The following SIDT1 variants were observed in gnomAD, a reference collection of about 807,000 sequenced individuals.
The protein encoded by SIDT1 is SID1 transmembrane family, member 1.
Under a neutral mutation model 107.5 loss-of-function variants are expected in SIDT1, and 101 were observed. That is an observed-to-expected ratio of 0.94 (90% confidence interval 0.80 to 1.11). The LOEUF (loss-of-function observed/expected upper bound fraction) is 1.11, where lower values mean the gene tolerates loss of function less well. Among genes scored for constraint, SIDT1 ranks in the 50% least tolerant of loss-of-function variants. SIDT1 has a pLI of 0.00. For synonymous variants in SIDT1, 395 were observed against 398.2 expected, an observed-to-expected ratio of 0.99 and a Z score of 0.10; for missense variants, 1,076 against 1,058.2, an observed-to-expected ratio of 1.02 and a Z score of -0.23.
Position 113,608,463 on chromosome 3 carries a change from C to A in SIDT1, c.1647C>A (p.Gly549=), listed in dbSNP as rs901773365. 3.7e-6 allele frequency: 6 copies of A among 1,614,032 alleles called. No individual in the cohort carries two copies. The highest frequency in any genetic ancestry group is 3.3e-4 in the Middle Eastern group (2 of 6,062). ...PKHFGLFYAM[G]IALMMEGVLS... is the part of the protein sequence containing the mutation. ...ACTTTGGTCTCTTCTACGCTATGGG[C>A]ATTGCATTGATGATGGAAGGGGTGC... Residue 549 remains glycine (G), a synonymous_variant, in exon 17 of 25, where the codon GGC becomes GGA. Coordinates refer to ENST00000264852, the MANE Select transcript of SIDT1 (RefSeq NM_017699.3).
At chr3:113,620,296 C>A (rs1038309569) in intron 21 of SIDT1, among the ~76,000 whole-genome samples, 4 of 151,558 alleles carry the variant, frequency 2.6e-5, no homozygotes, top group Non-Finnish European at 5.9e-5. Context: ...CCTCTTTCCC[C>A]ATGGCCTTTG....
chr3:113,635,712 A>G, the SIDT1 span, among the ~76,000 whole-genome samples: 1 of 151,806 alleles, frequency 6.6e-6, no homozygotes, highest in African/African-American at 2.4e-5. Context: ...TAAAAATACA[A>G]AAAAATTAGC....
At chr3:113,630,049 G>A (rs906058307), downstream of SIDT1, among the ~76,000 whole-genome samples, 3 of 152,156 alleles carry the variant, frequency 2.0e-5, no homozygotes, top group African/African-American at 2.4e-5. Context: ...AGAGCTTAAC[G>A]AGCCATTTCT....
intron 8 of SIDT1, 41 bp downstream of exon 8, chr3:113,584,810 T>C: frequency 2.3e-6 from 3 of 1,320,102 alleles, no homozygotes; most frequent in Non-Finnish European, 3.2e-6. Context: ...GATTCCTGTG[T>C]CAGAAAATCA....
chr3:113,621,160 TAGAG>T (rs1338714235), intron 21 of SIDT1, among the ~76,000 whole-genome samples: 2 of 152,144 alleles, frequency 1.3e-5, no homozygotes, highest in Non-Finnish European at 1.5e-5. Context: ...CATATGCATA[TAGAG>T]AGAGAGACAG....
intron 10 of SIDT1, among the ~76,000 whole-genome samples, chr3:113,598,191 C>T (rs1442631448): frequency 6.6e-6 from 1 of 152,162 alleles, no homozygotes; most frequent in Admixed American, 6.5e-5. Context: ...ACATCAAAAC[C>T]AGATCATGCT....
intron 1 of SIDT1, among the ~76,000 whole-genome samples, chr3:113,534,368 T>C (rs1424728724): frequency 6.6e-6 from 1 of 152,174 alleles, no homozygotes; most frequent in Non-Finnish European, 1.5e-5. Context: ...CTTCCAGCTG[T>C]GTGTAGCCAG....
intron 10 of SIDT1, among the ~76,000 whole-genome samples, chr3:113,596,951 T>A (rs1469200098): frequency 6.6e-6 from 1 of 152,198 alleles, no homozygotes; most frequent in Admixed American, 6.5e-5. Context: ...AAGAGCAAGA[T>A]CTGGTGGAGA....
intron 23 of SIDT1, among the ~76,000 whole-genome samples, chr3:113,625,432 C>G (rs903996938): frequency 6.6e-6 from 1 of 152,206 alleles, no homozygotes; most frequent in Admixed American, 6.5e-5. Flanking sequence ...AGCCACCACA[C>G]CCGGCCATAG....
chr3:113,582,305 G>A (rs1370968606), intron 6 of SIDT1, among the ~76,000 whole-genome samples: 1 of 152,166 alleles, frequency 6.6e-6, no homozygotes, highest in Non-Finnish European at 1.5e-5. Flanking sequence ...AGTACCTGCA[G>A]CGTGATCTGT....
rs941117874 is a variant in SIDT1, at chr3:113,605,145, C to T, written c.1404+169C>T. Among the ~76,000 whole-genome samples, 17 of 18,798 alleles carry T rather than the reference C, an allele frequency of 9.0e-4. No individual in the cohort carries two copies. In the East Asian group the frequency reaches 0.011, roughly 12 times the overall value. The allele number at this position is 18,798 out of a possible 152,430, so 12.3% of individuals were successfully genotyped here. A position where few individuals can be genotyped will look rare whatever the true frequency, so the allele number is the denominator to read the frequency against. ...TCCTCTTTTTTTTTTTTTTTTTTGA[C>T]GGAGTCTCGCTCTGTCACCCTGGCT... On this transcript the variant is annotated intron_variant, in intron 14 of 24. Coordinates refer to ENST00000264852, the MANE Select transcript of SIDT1 (RefSeq NM_017699.3).
intron 1 of SIDT1, among the ~76,000 whole-genome samples, chr3:113,543,349 T>C (rs1403530591): frequency 2.0e-5 from 3 of 152,156 alleles, no homozygotes; most frequent in African/African-American, 7.2e-5. Flanking sequence ...AAAACCCTCC[T>C]CAGTTTTAAT....
chr3:113,544,267 T>G (rs1939305452), intron 1 of SIDT1, among the ~76,000 whole-genome samples: 1 of 152,090 alleles, frequency 6.6e-6, no homozygotes, highest in Non-Finnish European at 1.5e-5. Flanking sequence ...CTCGGCTCAC[T>G]GCAATCTGCA....
At chr3:113,538,967 T>C (rs953709882) in intron 1 of SIDT1, among the ~76,000 whole-genome samples, 1 of 152,226 alleles carries the variant, frequency 6.6e-6, no homozygotes, top group Non-Finnish European at 1.5e-5. Context: ...CCTAGTTCCA[T>C]GAATTCATTA....
downstream of SIDT1, among the ~76,000 whole-genome samples, chr3:113,630,456 G>A (rs1947082255): frequency 6.6e-6 from 1 of 152,144 alleles, no homozygotes; most frequent in South Asian, 2.1e-4. Flanking sequence ...CACCGAGCCA[G>A]CTCCTCGGGG....
At chr3:113,548,626 T>C (rs1560017699) in intron 1 of SIDT1, among the ~76,000 whole-genome samples, 1 of 152,104 alleles carries the variant, frequency 6.6e-6, no homozygotes, top group Non-Finnish European at 1.5e-5. Flanking sequence ...TGTAATTCAT[T>C]TGAAAGATAC....
intron 4 of SIDT1, 86 bp downstream of exon 4, chr3:113,577,053 T>G (rs1160036941): frequency 3.8e-6 from 5 of 1,301,212 alleles, no homozygotes; most frequent in South Asian, 1.2e-5. Flanking sequence ...CCTGGTAGAG[T>G]TAGCGTGTGG....
At chr3:113,632,935 A>T (rs1276190049), downstream of SIDT1, 1 of 152,280 alleles carries the variant, frequency 6.6e-6, no homozygotes, top group Non-Finnish European at 1.5e-5. Context: ...ACATGAAAAA[A>T]ACACATGATT....
At chr3:113,546,034 C>T (rs1939544494) in intron 1 of SIDT1, among the ~76,000 whole-genome samples, 2 of 152,132 alleles carry the variant, frequency 1.3e-5, no homozygotes, top group East Asian at 1.9e-4. Flanking sequence ...TTTACGTAGG[C>T]AAGGAAAACA....
Sources: gnomAD v4.1 joint callset for allele counts (sites outside exome capture counted in the v4.1 genomes callset) on GRCh38, gnomAD v4.1.1 for gene constraint, MANE v1.5 for transcripts, NCBI Gene and HGNC (gene_info 2026-07-23, HGNC 2026-07-21) for gene names.